The following GPR180 variants were observed in gnomAD, a reference collection of about 807,000 sequenced individuals.
GPR180 encodes G protein-coupled receptor 180.
GPR180 carries 53 observed loss-of-function variants against 52.6 expected under a neutral mutation model. That is an observed-to-expected ratio of 1.01 (90% CI 0.81 to 1.27). The LOEUF is 1.27. Ranked by LOEUF, GPR180 falls within the 50% of genes most tolerant of loss-of-function variation. GPR180 has a pLI of 0.00. For synonymous variants in GPR180, 200 were observed against 193.1 expected (o/e 1.04, Z -0.30); for missense variants, 533 against 527.0 (o/e 1.01, Z -0.11).
chr13:94,623,079 C>A, intron 6 of GPR180, 30 bp from the exon 7 acceptor site: 1 of 1,519,842 alleles, frequency 6.6e-7, no homozygotes, highest in Non-Finnish European at 8.9e-7. Flanking sequence ...ATTTTTTTTT[C>A]CTAAATGTAA....
At chr13:94,606,244 C>G (rs552822925) in intron 2 of GPR180, among the ~76,000 whole-genome samples, 2 of 152,288 alleles carry the variant, frequency 1.3e-5, no homozygotes, top group East Asian at 3.9e-4. Context: ...TGCAGTGAGC[C>G]AAGATCATAC....
chr13:94,619,602 CT>C, intron 5 of GPR180, 85 bp downstream of exon 5: 2 of 1,180,550 alleles, frequency 1.7e-6, no homozygotes, highest in Non-Finnish European at 2.5e-6. Flanking sequence ...TATAAATTTT[CT>C]GTCGAAAATT....
At chr13:94,602,601 TGGCTACTAG>T (rs574330599) in intron 1 of GPR180, among the ~76,000 whole-genome samples, 4 of 151,992 alleles carry the variant, frequency 2.6e-5, no homozygotes. Context: ...TTTGGTTACT[TGGCTACTAG>T]GGCAGTAGAT....
chr13:94,607,483 C>T (rs886253402), intron 2 of GPR180, among the ~76,000 whole-genome samples: 1 of 152,220 alleles, frequency 6.6e-6, no homozygotes, highest in African/African-American at 2.4e-5. Context: ...TACTCTGAGC[C>T]TTTGCATAGG....
chr13:94,603,170 G>C (rs1159088202), intron 1 of GPR180, among the ~76,000 whole-genome samples: 1 of 150,142 alleles, frequency 6.7e-6, no homozygotes, highest in Non-Finnish European at 1.5e-5. Flanking sequence ...AATATATTTT[G>C]GGTGAATGAA....
intron 7 of GPR180, among the ~76,000 whole-genome samples, chr13:94,624,481 G>C (rs9524566): frequency 0.24 from 37,177 of 152,156 alleles, 4,742 homozygotes; most frequent in East Asian, 0.32. Flanking sequence ...GAGTTTTTCA[G>C]AGGGACAGTA....
intron 3 of GPR180, 57 bp from the exon 4 acceptor site, chr13:94,619,093 C>A: frequency 7.3e-7 from 1 of 1,365,214 alleles, no homozygotes; most frequent in Non-Finnish European, 1.0e-6. Flanking sequence ...TGAAAGCAGC[C>A]CAATACGATA....
chr13:94,612,516 A>G (rs1889721377), intron 3 of GPR180, 126 bp downstream of exon 3: 1 of 671,514 alleles, frequency 1.5e-6, no homozygotes, highest in Non-Finnish European at 2.5e-6. Context: ...AAATGGTTAA[A>G]TTAATCTTCT....
intron 3 of GPR180, among the ~76,000 whole-genome samples, chr13:94,615,786 T>G (rs1889770420): frequency 6.6e-6 from 1 of 152,244 alleles, no homozygotes; most frequent in South Asian, 2.1e-4. Context: ...TCACTGTTTT[T>G]AAAATTCTAG....
At chr13:94,605,983 A>G (rs2139563541) in intron 2 of GPR180, among the ~76,000 whole-genome samples, 1 of 152,288 alleles carries the variant, frequency 6.6e-6, no homozygotes, top group East Asian at 1.9e-4. Flanking sequence ...AGACTTAGTT[A>G]TATGGTATAA....
Position 94,627,135 on chromosome 13 carries a change from C to T in GPR180, c.1287C>T (p.Thr429=), listed in dbSNP as rs774938681. ...TTTCTTCAGTAACACTACCACTGAC[C>T]ATATCATCTGGACACAAAAGTCGCC... ...SSLSSVTLPL[T]ISSGHKSRPH... The change falls in exon 9 of 9, where the codon ACC becomes ACT. Residue 429 remains threonine (T), a synonymous_variant. Coordinates refer to ENST00000376958, the MANE Select transcript of GPR180 (RefSeq NM_180989.6). 2 of 1,612,508 alleles carry T rather than the reference C, an allele frequency of 1.2e-6. No individual in the cohort carries two copies. The highest frequency in any genetic ancestry group is 1.7e-6 in the Non-Finnish European group (2 of 1,179,388).
chr13:94,607,244 G>A (rs150239230), intron 2 of GPR180, among the ~76,000 whole-genome samples: 3 of 152,150 alleles, frequency 2.0e-5, no homozygotes, highest in African/African-American at 4.8e-5. Flanking sequence ...AGTCTCCTAC[G>A]TGGTTATTTT....
Position 94,627,019 on chromosome 13 carries a change from A to G in GPR180, c.1171A>G (p.Thr391Ala), listed in dbSNP as rs1889937444. Reference protein sequence around the residue: ...FSDYQRDKVITIGVILCQSVS... With the variant: ...FSDYQRDKVIAIGVILCQSVS... ...CCTTTCCTTTTCTTTTCAGGTTATTACAATAGGTGTTATCCTTTGCCAGTC... is the reference window on the plus strand; with the variant it reads ...CCTTTCCTTTTCTTTTCAGGTTATTGCAATAGGTGTTATCCTTTGCCAGTC... Residue 391 changes from threonine to alanine, a missense_variant, in exon 9 of 9, where the codon ACA becomes GCA. Thr to Ala is a moderately conservative substitution (Grantham distance 58). Coordinates refer to ENST00000376958, the MANE Select transcript of GPR180 (RefSeq NM_180989.6). 1.3e-6 allele frequency: 2 copies of G among 1,590,186 alleles called. No individual in the cohort carries two copies. The highest frequency in any genetic ancestry group is 1.2e-5 in the South Asian group (1 of 86,344).
rs1360323846 is a variant in GPR180, at chr13:94,609,558, G to A, written c.305-2632G>A. On this transcript the variant is annotated intron_variant, in intron 2 of 8. Transcript: ENST00000376958. ...TTTTATATTTTATCTAAGAGAAAAA[G>A]GGCAAATGATAAAAATGGCAACACA... Among the ~76,000 whole-genome samples, 6 of 151,996 alleles carry A rather than the reference G, an allele frequency of 3.9e-5. No homozygotes were observed. The East Asian group carries it at 1.2e-3, about 29-fold the overall frequency.
chr13:94,604,385 C>G (rs955860756), intron 1 of GPR180, among the ~76,000 whole-genome samples: 1 of 149,282 alleles, frequency 6.7e-6, no homozygotes, highest in African/African-American at 2.5e-5. Flanking sequence ...CATGGTGAAA[C>G]GCTGTCTCTA....
intron 5 of GPR180, among the ~76,000 whole-genome samples, chr13:94,620,014 A>C (rs1289024837): frequency 6.6e-6 from 1 of 151,934 alleles, no homozygotes; most frequent in Non-Finnish European, 1.5e-5. Flanking sequence ...GAGTCTCCAC[A>C]CTCTGCCTTT....
rs1197995582 is a variant in GPR180 at position 94,612,324 on chromosome 13, G to A, written c.439G>A (p.Glu147Lys). The A allele has an allele frequency of 6.2e-7, 1 of 1,613,792 alleles. No individual in the cohort carries two copies. Among genetic ancestry groups the A allele is most frequent in the Non-Finnish European group, 8.5e-7 (1 of 1,179,828 alleles). Residue 147 changes from glutamate to lysine, a missense_variant, in exon 3 of 9, where the codon GAA becomes AAA. By Grantham distance (56) the Glu-to-Lys change is moderately conservative (BLOSUM62 1). Coordinates refer to ENST00000376958, the MANE Select transcript of GPR180 (RefSeq NM_180989.6). ...ENSQVEDIPF[E>K]MVLLNPDAEG... The stretch of plus-strand genomic sequence containing the variant: ...TTCTCAGGTGGAAGATATCCCATTT[G>A]AAATGGTGTTACTAAACCCAGATGC...
chr13:94,608,477 A>G (rs1412672055), intron 2 of GPR180, among the ~76,000 whole-genome samples: 1 of 152,202 alleles, frequency 6.6e-6, no homozygotes, highest in Non-Finnish European at 1.5e-5. Flanking sequence ...AGAGGAATGA[A>G]GGTTGTTTTG....
intron 3 of GPR180, 76 bp from the exon 4 acceptor site, chr13:94,619,074 A>C: frequency 9.1e-7 from 1 of 1,099,296 alleles, no homozygotes; most frequent in South Asian, 1.7e-5. Context: ...ATATATTGAC[A>C]GGGAGATTTG....
Sources: allele counts gnomAD v4.1 joint callset (sites outside exome capture counted in the v4.1 genomes callset), GRCh38; gene constraint gnomAD v4.1.1; transcripts MANE v1.5; gene names NCBI Gene and HGNC (gene_info 2026-07-23, HGNC 2026-07-21).